The following ERC1 variants were observed in gnomAD, a reference collection of about 807,000 sequenced individuals.
ERC1 encodes the protein RAB6 interacting protein 2.
A neutral mutation model predicts 132.0 loss-of-function variants in ERC1; 56 were observed. The observed-to-expected ratio is 0.42, with a 90% CI of 0.34 to 0.53. The LOEUF is 0.53. ERC1 is among the 20% of genes least tolerant of loss of function. ERC1 has a pLI of 0.03. For missense variants in ERC1, 1,202 were observed against 1,349.9 expected (o/e 0.89, Z 1.72); for synonymous variants, 478 against 476.1 (o/e 1.00, Z -0.05).
intron 12 of ERC1, among the ~76,000 whole-genome samples, chr12:1,202,548 T>A (rs971339724): frequency 6.6e-6 from 1 of 152,012 alleles, no homozygotes; most frequent in Admixed American, 6.6e-5. Context: ...TCCCAGCTAT[T>A]TGGGAGGCTG....
intron 3 of ERC1, among the ~76,000 whole-genome samples, chr12:1,092,292 C>CA (rs1236909000): frequency 4.6e-5 from 7 of 152,324 alleles, no homozygotes; most frequent in Middle Eastern, 6.8e-3. Context: ...CCACCGCGCC[C>CA]GGCCCACATT....
intron 18 of ERC1, among the ~76,000 whole-genome samples, chr12:1,472,634 A>T (rs1019953765): frequency 4.1e-5 from 6 of 146,412 alleles, no homozygotes; most frequent in Admixed American, 2.0e-4. Flanking sequence ...TGGGCAACAG[A>T]GTGTAACCCT....
intron 16 of ERC1, among the ~76,000 whole-genome samples, chr12:1,385,369 G>A (rs1390152167): frequency 4.6e-5 from 7 of 151,742 alleles, no homozygotes; most frequent in Non-Finnish European, 2.9e-5. Flanking sequence ...TGCAAGCTCC[G>A]CCTCCCGGGT....
intron 17 of ERC1, chr12:1,443,177 G>A (rs892041319): frequency 6.6e-6 from 1 of 152,100 alleles, no homozygotes; most frequent in African/African-American, 2.4e-5. Context: ...GGTATTACAG[G>A]CGTGAGCCAC....
intron 15 of ERC1, among the ~76,000 whole-genome samples, chr12:1,353,898 G>A (rs573395585): frequency 5.3e-5 from 8 of 152,296 alleles, no homozygotes; most frequent in African/African-American, 1.9e-4. Flanking sequence ...TGACCTGCCT[G>A]TGAATCTTTA....
At chr12:1,306,222 A>C (rs1205938452) in intron 15 of ERC1, among the ~76,000 whole-genome samples, 1 of 152,186 alleles carries the variant, frequency 6.6e-6, no homozygotes, top group African/African-American at 2.4e-5. Flanking sequence ...AAATTCTCTA[A>C]GCTCTAGGAG....
Position 1,190,072 on chromosome 12 carries a change from T to A in ERC1, c.2351+20T>A, listed in dbSNP as rs1416211852. ...GGAAAGGTAAGAAAGTGAAGCTGAT[T>A]GGGGCTTATGAGGTTAAAGTATGGT... On this transcript the variant is annotated intron_variant, in intron 12 of 18. Coordinates refer to ENST00000360905, the MANE Select transcript of ERC1 (RefSeq NM_178040.4). 2 of 1,592,462 alleles carry A rather than the reference T, an allele frequency of 1.3e-6. No homozygotes were observed. Among genetic ancestry groups the A allele is most frequent in the Non-Finnish European group, 1.7e-6 (2 of 1,160,854 alleles).
Position 1,477,982 on chromosome 12 carries a change from T to C in ERC1, c.3214-12111T>C, listed in dbSNP as rs1359558898. Among the ~76,000 whole-genome samples the C allele has an allele frequency of 3.9e-5, 6 of 152,348 alleles. No homozygotes were observed. In the East Asian group the frequency reaches 9.6e-4, roughly 24 times the overall value. On this transcript the variant is annotated intron_variant, in intron 18 of 18. Transcript: ENST00000360905. ...TCCATTGTATGAATGTGCCACAAATTGTTTATCGTCTGTTTATCATTCAGT... is the reference window on the plus strand; with the variant it reads ...TCCATTGTATGAATGTGCCACAAATCGTTTATCGTCTGTTTATCATTCAGT...
chr12:1,460,958 C>CTTTTTTTTTTTTTTTTTTT lies in ERC1; in HGVS notation c.3213+16213_3213+16231dup, dbSNP rs35505633. Among the ~76,000 whole-genome samples the CTTTTTTTTTTTTTTTTTTT allele has an allele frequency of 1.1e-3, 73 of 64,956 alleles. 2 individuals carry two copies. The highest frequency in any genetic ancestry group is 3.2e-3 in the African/African-American group (53 of 16,526). The allele number at this position is 64,956 out of a possible 152,430, so 42.6% of individuals were successfully genotyped here. ...GACTTGCCTAAACGATGAGGAGGCC[C>CTTTTTTTTTTTTTTTTTTT]TTTTTTTTTTTTTTTTTTTTTTTCA... On this transcript the variant is annotated intron_variant, in intron 18 of 18. Coordinates refer to ENST00000360905, the MANE Select transcript of ERC1 (RefSeq NM_178040.4).
At chr12:1,187,661 T>C (rs1955253887) in intron 11 of ERC1, among the ~76,000 whole-genome samples, 1 of 152,210 alleles carries the variant, frequency 6.6e-6, no homozygotes. Context: ...CATTTTTCTT[T>C]TCCTACCGTT....
intron 13 of ERC1, chr12:1,244,577 A>G (rs947721010): frequency 4.4e-6 from 2 of 452,100 alleles, no homozygotes; most frequent in African/African-American, 2.0e-5. Context: ...GCAGGAGTGC[A>G]GTGGTGTGAT....
chr12:1,011,025 C>T (rs1373056739), intron 1 of ERC1, among the ~76,000 whole-genome samples: 1 of 152,110 alleles, frequency 6.6e-6, no homozygotes, highest in East Asian at 1.9e-4. Context: ...AGGCATTTTA[C>T]ATCCGTATTA....
In ERC1 at chr12:1,146,308, GTTTTTTTTTTT is replaced by G. The variant is rs1172108036; in HGVS notation, c.1737+4536_1737+4546del. Among the ~76,000 whole-genome samples, 9 of 31,796 alleles carry G rather than the reference GTTTTTTTTTTT, an allele frequency of 2.8e-4. 1 individual carries two copies. Among genetic ancestry groups the G allele is most frequent in the African/African-American group, 5.0e-4 (4 of 8,000 alleles). 20.9% of individuals were successfully genotyped at this position (31,796 alleles called of 152,430 possible). ...ATTTCCTTGTTTAGGTATTTTACTG[GTTTTTTTTTTT>G]TTTTTTTTTTTTTTGCAGTTATTGT... is the stretch of plus-strand genomic sequence containing the variant. On this transcript the variant is annotated intron_variant, in intron 8 of 18. Transcript: ENST00000360905.
chr12:1,046,447 A>G (rs1971094229), intron 2 of ERC1, among the ~76,000 whole-genome samples: 1 of 152,230 alleles, frequency 6.6e-6, no homozygotes, highest in African/African-American at 2.4e-5. Flanking sequence ...AAATTATATG[A>G]AATTCAAAAT....
At chr12:1,184,976 C>T (rs553623514) in intron 11 of ERC1, among the ~76,000 whole-genome samples, 129 of 152,186 alleles carry the variant, frequency 8.5e-4, no homozygotes, top group Middle Eastern at 3.4e-3. Flanking sequence ...AGTGGCACAA[C>T]CTCGGCTCAC....
chr12:1,375,113 C>T (rs1037783156), intron 16 of ERC1, among the ~76,000 whole-genome samples: 13 of 152,046 alleles, frequency 8.6e-5, no homozygotes, highest in Non-Finnish European at 8.8e-5. Flanking sequence ...TGTGTTAGTC[C>T]GCTTCCACAC....
chr12:1,321,605 T>C (rs61913081), intron 15 of ERC1, among the ~76,000 whole-genome samples: 2,723 of 152,292 alleles, frequency 0.018, 30 homozygotes, highest in Non-Finnish European at 0.025. Flanking sequence ...AATGTTCTCT[T>C]TGGGCACTTC....
rs773547351 is a variant in ERC1, at chr12:1,180,290, CGCGTGTGCGCGCGCGCAT to C, written c.1738-249_1738-232del. The stretch of plus-strand genomic sequence containing the variant: ...GTGTGTGTGTGTGTGTGTGCGCGCA[CGCGTGTGCGCGCGCGCAT>C]ACACATGTGTACTTTTTTTTGTTTT... On this transcript the variant is annotated intron_variant, in intron 8 of 18. Transcript: ENST00000360905. Among the ~76,000 whole-genome samples, 121 of 130,052 alleles carry C rather than the reference CGCGTGTGCGCGCGCGCAT, an allele frequency of 9.3e-4. No individual in the cohort carries two copies. The East Asian group carries it at 9.6e-3, about 10-fold the overall frequency. 85.3% of individuals were successfully genotyped at this position (130,052 alleles called of 152,430 possible). A position where few individuals can be genotyped will look rare whatever the true frequency, so the allele number is the denominator to read the frequency against.
intron 8 of ERC1, among the ~76,000 whole-genome samples, chr12:1,143,128 C>T (rs1950003151): frequency 6.6e-6 from 1 of 152,160 alleles, no homozygotes; most frequent in African/African-American, 2.4e-5. Flanking sequence ...GTTTTGAAGT[C>T]CATGGCCTCA....
Sources: allele counts gnomAD v4.1 joint callset (sites outside exome capture counted in the v4.1 genomes callset), GRCh38; gene constraint gnomAD v4.1.1; transcripts MANE v1.5; gene names NCBI Gene and HGNC (gene_info 2026-07-23, HGNC 2026-07-21).